CSTPP1: variants seen among roughly 807,000 people sequenced by gnomAD.
CSTPP1 encodes the protein UPF0705 protein C11orf49.
chr11:46,938,544 C>A, the CSTPP1 span, among the ~76,000 whole-genome samples: 1 of 151,276 alleles, frequency 6.6e-6, no homozygotes, highest in Non-Finnish European at 1.5e-5. Context: ...TCTCCCTCCC[C>A]CTGCAGCCCT....
the CSTPP1 span, chr11:47,161,860 T>G: frequency 7.5e-7 from 1 of 1,340,120 alleles, no homozygotes; most frequent in South Asian, 1.9e-5. Flanking sequence ...CCTGTGAACT[T>G]CACTTAGGCC....
At chr11:47,052,698 CTT>C in the CSTPP1 span, 1 of 774,278 alleles carries the variant, frequency 1.3e-6, no homozygotes. Context: ...GAATACCTCA[CTT>C]TTGAGGAGTT....
chr11:47,096,386 A>G, the CSTPP1 span, among the ~76,000 whole-genome samples: 2 of 152,082 alleles, frequency 1.3e-5, no homozygotes, highest in African/African-American at 4.8e-5. Flanking sequence ...AACCTCTATA[A>G]CACTTTCTGT....
the CSTPP1 span, among the ~76,000 whole-genome samples, chr11:47,122,285 A>T: frequency 6.6e-6 from 1 of 151,498 alleles, no homozygotes; most frequent in Non-Finnish European, 1.5e-5. Flanking sequence ...GGGGCATTAT[A>T]ATAAGATCCA....
At chr11:47,134,482 G>T in the CSTPP1 span, among the ~76,000 whole-genome samples, 1 of 152,168 alleles carries the variant, frequency 6.6e-6, no homozygotes, top group Non-Finnish European at 1.5e-5. Context: ...GAGCCACTGC[G>T]CCTGGCCTAA....
the CSTPP1 span, among the ~76,000 whole-genome samples, chr11:46,952,861 G>A: frequency 6.6e-6 from 1 of 152,140 alleles, no homozygotes; most frequent in Non-Finnish European, 1.5e-5. Context: ...GTTGCTGGGC[G>A]TTGGAGGTAA....
At chr11:47,100,806 A>G in the CSTPP1 span, among the ~76,000 whole-genome samples, 1 of 152,068 alleles carries the variant, frequency 6.6e-6, no homozygotes, top group Non-Finnish European at 1.5e-5. Flanking sequence ...CAAACAAAAG[A>G]GATAGTGTTA....
the CSTPP1 span, among the ~76,000 whole-genome samples, chr11:47,088,001 C>G: frequency 6.6e-6 from 1 of 152,104 alleles, no homozygotes; most frequent in Non-Finnish European, 1.5e-5. Flanking sequence ...ACATGATCCT[C>G]GTGATATGAG....
chr11:47,123,097 T>C, the CSTPP1 span: 2 of 152,234 alleles, frequency 1.3e-5, no homozygotes. Context: ...CATGAGGTCA[T>C]GTACTTTGTT....
the CSTPP1 span, among the ~76,000 whole-genome samples, chr11:47,076,455 C>G: frequency 2.0e-5 from 3 of 152,094 alleles, no homozygotes; most frequent in Admixed American, 2.0e-4. Context: ...TTTTTAGTAC[C>G]TCGCACCAAA....
the CSTPP1 span, among the ~76,000 whole-genome samples, chr11:47,112,532 G>C: frequency 6.6e-6 from 1 of 152,134 alleles, no homozygotes. Context: ...ATGTTGGCCA[G>C]GCTGGTCTCA....
the CSTPP1 span, among the ~76,000 whole-genome samples, chr11:47,092,758 C>T: frequency 6.6e-6 from 1 of 152,166 alleles, no homozygotes; most frequent in African/African-American, 2.4e-5. Flanking sequence ...TGTTTTCTGA[C>T]CCAGCATCCA....
At chr11:47,106,376 A>G in the CSTPP1 span, among the ~76,000 whole-genome samples, 977 of 152,242 alleles carry the variant, frequency 6.4e-3, 10 homozygotes, top group South Asian at 0.03. Context: ...TCTTTCTTCT[A>G]TTTTTCTCCT....
the CSTPP1 span, among the ~76,000 whole-genome samples, chr11:46,983,914 A>G: frequency 5.9e-5 from 9 of 152,240 alleles, no homozygotes; most frequent in Non-Finnish European, 1.3e-4. Context: ...ACCCACACGT[A>G]AAAAGAACAC....
chr11:46,942,720 C>T, the CSTPP1 span, among the ~76,000 whole-genome samples: 249 of 152,134 alleles, frequency 1.6e-3, no homozygotes, highest in African/African-American at 5.5e-3. Flanking sequence ...ATTTTCACAA[C>T]TACCATATGA....
chr11:47,007,218 A>G, the CSTPP1 span, among the ~76,000 whole-genome samples: 1 of 151,278 alleles, frequency 6.6e-6, no homozygotes, highest in African/African-American at 2.4e-5. Flanking sequence ...TTTAGTAGAG[A>G]TGGGGTTTCA....
the CSTPP1 span, chr11:46,987,506 C>T: frequency 1.3e-5 from 7 of 550,226 alleles, no homozygotes; most frequent in Admixed American, 2.1e-4. Flanking sequence ...CCAGTGATGT[C>T]TCATGAATAG....
chr11:47,038,248 T>C, the CSTPP1 span, among the ~76,000 whole-genome samples: 139 of 74,892 alleles, frequency 1.9e-3, no homozygotes, highest in Middle Eastern at 0.011. Context: ...CGCCCCTCAC[T>C]TCCCGGATGG....
At chr11:46,964,691 T>TTC in the CSTPP1 span, among the ~76,000 whole-genome samples, 1 of 152,210 alleles carries the variant, frequency 6.6e-6, no homozygotes, top group African/African-American at 2.4e-5. Context: ...CTTTTAAAAA[T>TTC]AATTGAGGAT....
Sources: allele counts gnomAD v4.1 joint callset (sites outside exome capture counted in the v4.1 genomes callset), GRCh38; gene constraint gnomAD v4.1.1; transcripts MANE v1.5; gene names NCBI Gene and HGNC (gene_info 2026-07-23, HGNC 2026-07-21).